Variants in SLC23A2 observed in about 807,000 individuals in gnomAD.
SLC23A2 encodes the protein Na(+)/L-ascorbic acid transporter 2.
In SLC23A2, 36 loss-of-function variants were observed where a neutral mutation model predicts 73.3. The ratio of observed to expected loss-of-function variants is 0.49; its 90% CI spans 0.38 to 0.65. The LOEUF is 0.65. Among genes scored for constraint, SLC23A2 ranks in the 30% least tolerant of loss-of-function variants. The pLI is 0.00. For synonymous variants in SLC23A2, 343 were observed against 327.3 expected (o/e 1.05, Z -0.52); for missense variants, 507 against 841.6 (o/e 0.60, Z 4.92).
intron 2 of SLC23A2, among the ~76,000 whole-genome samples, chr20:4,953,310 T>A (rs1453879158): frequency 6.6e-6 from 1 of 151,348 alleles, no homozygotes; most frequent in Non-Finnish European, 1.5e-5. Flanking sequence ...ATCACAAAAA[T>A]AATAATAATA....
intron 2 of SLC23A2, among the ~76,000 whole-genome samples, chr20:4,949,146 G>A (rs2087159952): frequency 6.6e-6 from 1 of 152,006 alleles, no homozygotes; most frequent in Admixed American, 6.6e-5. Context: ...AAAGTAGCCA[G>A]GCGTGGTGGC....
intron 15 of SLC23A2, 97 bp downstream of exon 15, chr20:4,861,851 G>A (rs1021049896): frequency 8.8e-6 from 11 of 1,257,062 alleles, no homozygotes; most frequent in Non-Finnish European, 1.2e-5. Flanking sequence ...CACAGCTCCT[G>A]GAGGCCCAAA....
intron 4 of SLC23A2, among the ~76,000 whole-genome samples, chr20:4,912,005 T>C (rs1409972484): frequency 7.5e-6 from 1 of 132,662 alleles, no homozygotes; most frequent in Non-Finnish European, 1.6e-5. Flanking sequence ...CCTGGATAAT[T>C]ATTTCTTTTT....
At chr20:4,900,113 C>T (rs905003815) in intron 5 of SLC23A2, among the ~76,000 whole-genome samples, 5 of 152,070 alleles carry the variant, frequency 3.3e-5, no homozygotes, top group African/African-American at 7.2e-5. Flanking sequence ...TCAAGCGATC[C>T]GCCTGCCTCT....
At chr20:4,984,036 C>T (rs926346891) in intron 1 of SLC23A2, among the ~76,000 whole-genome samples, 1 of 151,654 alleles carries the variant, frequency 6.6e-6, no homozygotes, top group Non-Finnish European at 1.5e-5. Flanking sequence ...AATTACATAC[C>T]AGATAAAGGA....
intron 6 of SLC23A2, among the ~76,000 whole-genome samples, chr20:4,896,155 G>A (rs1835962565): frequency 6.6e-6 from 1 of 152,116 alleles, no homozygotes; most frequent in African/African-American, 2.4e-5. Flanking sequence ...CAGCAAACGT[G>A]CCCCCCACGG....
chr20:4,934,231 C>T (rs1420562783), intron 2 of SLC23A2, among the ~76,000 whole-genome samples: 1 of 152,026 alleles, frequency 6.6e-6, no homozygotes, highest in Non-Finnish European at 1.5e-5. Context: ...GTAATTTTGC[C>T]CTGCAGGGGA....
chr20:4,937,234 G>A (rs1367581342), intron 2 of SLC23A2, among the ~76,000 whole-genome samples: 1 of 152,032 alleles, frequency 6.6e-6, no homozygotes, highest in Non-Finnish European at 1.5e-5. Context: ...GGAGAGGTGA[G>A]GGAAGAGTGG....
At position 4,983,993 on chromosome 20, in the gene SLC23A2, A is replaced by G. The variant is rs193281370; in HGVS notation, c.-281-13074T>C. ...AAAAGACACAGCAAGAAAGTGAAAA[A>G]GAATCTTACAGAAAGAGGAAAAAAT... On this transcript the variant is annotated intron_variant, in intron 1 of 16. Coordinates refer to ENST00000338244, the MANE Select transcript of SLC23A2 (RefSeq NM_005116.6). 1.0e-3 allele frequency among the ~76,000 whole-genome samples: 153 copies of G among 152,248 alleles called. 3 individuals carry two copies. The highest frequency in any genetic ancestry group is 6.8e-3 in the Middle Eastern group (2 of 294).
At chr20:4,871,651 T>C (rs1199409018) in intron 11 of SLC23A2, among the ~76,000 whole-genome samples, 1 of 152,138 alleles carries the variant, frequency 6.6e-6, no homozygotes, top group East Asian at 1.9e-4. Flanking sequence ...CTCAGGCTTG[T>C]TCATTCTGTG....
At chr20:4,982,941 A>C (rs564668785) in intron 1 of SLC23A2, among the ~76,000 whole-genome samples, 101 of 152,188 alleles carry the variant, frequency 6.6e-4, no homozygotes, top group African/African-American at 2.3e-3. Flanking sequence ...CCCTGTCTCT[A>C]CTAAAAATAC....
At chr20:4,877,574 ATTTT>A (rs891130912) in intron 9 of SLC23A2, among the ~76,000 whole-genome samples, 1 of 152,134 alleles carries the variant, frequency 6.6e-6, no homozygotes, top group Non-Finnish European at 1.5e-5. Context: ...CAATCATGAG[ATTTT>A]TTTGAGAGAT....
intron 1 of SLC23A2, among the ~76,000 whole-genome samples, chr20:5,008,034 T>C (rs919875333): frequency 1.3e-5 from 2 of 151,970 alleles, no homozygotes; most frequent in Admixed American, 6.6e-5. Flanking sequence ...CTCAGCCTCC[T>C]GAGTAGCTGG....
Position 4,872,363 on chromosome 20 carries a change from C to T in SLC23A2, c.1102+1573G>A, listed in dbSNP as rs1307852205. On this transcript the variant is annotated intron_variant, in intron 11 of 16. Transcript: ENST00000338244. This position sits in a 1 kb window ranked among gnomAD's most constrained non-coding sequence, Gnocchi z 4.4. ...AGCCCTCGGCAGGCCAGGAGCCCTACGTGCTCGCTCACGGCCAGCACAACC... is the reference window on the plus strand; with the variant it reads ...AGCCCTCGGCAGGCCAGGAGCCCTATGTGCTCGCTCACGGCCAGCACAACC... 5.9e-5 allele frequency among the ~76,000 whole-genome samples: 9 copies of T among 152,320 alleles called. No individual in the cohort carries two copies. The highest frequency in any genetic ancestry group is 1.3e-4 in the Admixed American group (2 of 15,306).
upstream of SLC23A2, among the ~76,000 whole-genome samples, chr20:5,002,595 G>A (rs1247601497): frequency 1.3e-5 from 2 of 152,128 alleles, no homozygotes; most frequent in Non-Finnish European, 2.9e-5. Context: ...ACACAGTTTT[G>A]GAAAGTGACA....
chr20:4,958,492 T>C (rs78070055), intron 2 of SLC23A2, among the ~76,000 whole-genome samples: 3,916 of 152,348 alleles, frequency 0.026, 169 homozygotes, highest in African/African-American at 0.09. Flanking sequence ...TGAAAAATTC[T>C]ATGTATTTCT....
rs10634743 is a variant in SLC23A2 at position 4,998,805 on chromosome 20, C to CTTT, written c.-282+2598_-282+2600dup. Among the ~76,000 whole-genome samples, 982 of 139,450 alleles carry CTTT rather than the reference C, an allele frequency of 7.0e-3. 13 individuals are homozygous for CTTT. Among genetic ancestry groups the CTTT allele is most frequent in the African/African-American group, 0.022 (852 of 37,892 alleles). The allele number at this position is 139,450 out of a possible 152,430, so 91.5% of individuals were successfully genotyped here. On this transcript the variant is annotated intron_variant, in intron 1 of 16. Coordinates refer to ENST00000338244, the MANE Select transcript of SLC23A2 (RefSeq NM_005116.6). The surrounding 1 kb of genome is among the most constrained non-coding windows in gnomAD (Gnocchi z 4.1). ...ATAATTTCAAATCATTACTGTTGAT[C>CTTT]TTTTTTTTTTTTTTTTTAGGAGACA...
At chr20:4,931,839 A>G (rs1048370127) in intron 3 of SLC23A2, among the ~76,000 whole-genome samples, 2 of 152,230 alleles carry the variant, frequency 1.3e-5, no homozygotes, top group African/African-American at 4.8e-5. Flanking sequence ...CTCCAGTATT[A>G]AGAGGAAAAC....
At chr20:4,936,437 A>T (rs773924998) in intron 2 of SLC23A2, among the ~76,000 whole-genome samples, 4 of 152,080 alleles carry the variant, frequency 2.6e-5, no homozygotes, top group African/African-American at 7.2e-5. Flanking sequence ...ATCTATATCA[A>T]CTTTAGGGAA....
Sources: allele counts gnomAD v4.1 joint callset (sites outside exome capture counted in the v4.1 genomes callset), GRCh38; gene constraint gnomAD v4.1.1; non-coding constraint Gnocchi (gnomAD v3.1); transcripts MANE v1.5; gene names NCBI Gene and HGNC (gene_info 2026-07-23, HGNC 2026-07-21).